The following DYM variants were observed in gnomAD, a reference collection of about 807,000 sequenced individuals.
DYM encodes the protein dyggve-Melchior-Clausen syndrome protein.
Under a neutral mutation model 93.1 loss-of-function variants are expected in DYM, and 78 were observed. That is an observed-to-expected ratio of 0.84 (90% CI 0.70 to 1.01). DYM has a LOEUF of 1.01. Among genes scored for constraint, DYM ranks in the 50% least tolerant of loss-of-function variants. The probability of loss-of-function intolerance (pLI) is 0.00; values close to 1 mark genes in which losing one functional copy is unlikely to be tolerated. For synonymous variants in DYM, 321 were observed against 319.7 expected (o/e 1.00, Z -0.04); for missense variants, 789 against 845.0 (o/e 0.93, Z 0.82).
At chr18:49,190,312 T>G (rs1467219596) in intron 14 of DYM, among the ~76,000 whole-genome samples, 2 of 152,248 alleles carry the variant, frequency 1.3e-5, no homozygotes, top group African/African-American at 4.8e-5. Flanking sequence ...TTTTAACATT[T>G]TACAGAAAAG....
chr18:49,366,152 A>C (rs1365590467), intron 5 of DYM, among the ~76,000 whole-genome samples: 1 of 152,208 alleles, frequency 6.6e-6, no homozygotes, highest in Non-Finnish European at 1.5e-5. Context: ...TTGTATTTTA[A>C]GTGAAGATTG....
chr18:49,317,581 CT>C (rs1218001225), intron 8 of DYM, among the ~76,000 whole-genome samples: 4 of 11,820 alleles, frequency 3.4e-4, no homozygotes, highest in African/African-American at 2.6e-3. Flanking sequence ...CTCTCTCTCT[CT>C]CTCTCTCTCT....
At chr18:49,259,215 G>C (rs2094451785) in intron 11 of DYM, among the ~76,000 whole-genome samples, 1 of 152,166 alleles carries the variant, frequency 6.6e-6, no homozygotes, top group Non-Finnish European at 1.5e-5. Context: ...CACAAATGCA[G>C]AGGGGGGAAC....
intron 13 of DYM, 128 bp downstream of exon 13, chr18:49,256,882 G>A (rs1007370829): frequency 1.3e-6 from 1 of 755,132 alleles, no homozygotes; most frequent in Admixed American, 2.2e-5. Flanking sequence ...CAAACAAGAA[G>A]GTGATAAAAA....
intron 6 of DYM, among the ~76,000 whole-genome samples, chr18:49,349,138 G>C (rs776013419): frequency 1.3e-5 from 2 of 152,156 alleles, no homozygotes; most frequent in African/African-American, 4.8e-5. Context: ...AACCTGGGAG[G>C]CGGAGGTTGC....
intron 16 of DYM, among the ~76,000 whole-genome samples, chr18:49,115,509 T>C (rs2081850357): frequency 6.6e-6 from 1 of 151,918 alleles, no homozygotes; most frequent in Non-Finnish European, 1.5e-5. Context: ...TAGGAAGGAA[T>C]GAAAAAAGAA....
At position 49,142,652 on chromosome 18, in the gene DYM, T is replaced by C. The variant is rs573756897; in HGVS notation, c.1728+21033A>G. Among the ~76,000 whole-genome samples, 8 of 152,300 alleles carry C rather than the reference T, an allele frequency of 5.3e-5. No homozygotes were observed. The East Asian group carries it at 1.5e-3, about 29-fold the overall frequency. The stretch of plus-strand genomic sequence containing the variant: ...ACTTCATCTCTGTTGGACTTGAATC[T>C]CCAGTAGAGAAAGGGAAAGGCAGAG... On this transcript the variant is annotated intron_variant, in intron 15 of 17. Coordinates refer to ENST00000675505, the MANE Select transcript of DYM (RefSeq NM_001353214.3).
chr18:49,097,475 G>A lies in DYM; in HGVS notation c.1952C>T (p.Ala651Val), dbSNP rs371247672. 76 of 1,613,926 alleles carry A rather than the reference G, an allele frequency of 4.7e-5. No homozygotes were observed. Among genetic ancestry groups the A allele is most frequent in the Admixed American group, 1.0e-4 (6 of 59,986 alleles). ...CAGGACCCGTTCCACTGACAGCTCA[G>A]CTCCAGCTTGCAGCAACCTTGAGCT... ...FFSSRLLQAG[A>V]ELSVERVLEI... The change falls in exon 17 of 18, where the codon GCT becomes GTT. Residue 651 changes from alanine to valine, a missense_variant. Coordinates refer to ENST00000675505, the MANE Select transcript of DYM (RefSeq NM_001353214.3).
At chr18:49,409,481 TCCA>T (rs771649234) in intron 2 of DYM, among the ~76,000 whole-genome samples, 2 of 152,074 alleles carry the variant, frequency 1.3e-5, no homozygotes, top group Admixed American at 6.5e-5. Context: ...AGATCTGCTC[TCCA>T]CCACAACTCA....
At chr18:49,253,955 C>A (rs1386659872) in intron 13 of DYM, among the ~76,000 whole-genome samples, 3 of 152,130 alleles carry the variant, frequency 2.0e-5, no homozygotes, top group Admixed American at 2.0e-4. Context: ...TCAGGCCTCT[C>A]ACCTGTGATC....
chr18:49,129,158 C>T (rs12456729), intron 15 of DYM, among the ~76,000 whole-genome samples: 16,392 of 151,670 alleles, frequency 0.11, 1,174 homozygotes, highest in East Asian at 0.25. Context: ...GCTCCAAGTC[C>T]ATGGAGAGAA....
At chr18:49,223,846 G>A (rs1238678765) in intron 13 of DYM, among the ~76,000 whole-genome samples, 1 of 152,120 alleles carries the variant, frequency 6.6e-6, no homozygotes, top group Non-Finnish European at 1.5e-5. Flanking sequence ...AAAAGTAAAG[G>A]ACAATGTGTA....
chr18:49,347,807 C>T (rs562961369), intron 6 of DYM, among the ~76,000 whole-genome samples: 1 of 152,204 alleles, frequency 6.6e-6, no homozygotes, highest in African/African-American at 2.4e-5. Flanking sequence ...TTCTACCATG[C>T]TGAGTGTGGT....
intron 6 of DYM, among the ~76,000 whole-genome samples, chr18:49,335,821 T>TTTC (rs1568273082): frequency 6.6e-6 from 1 of 151,858 alleles, no homozygotes; most frequent in Non-Finnish European, 1.5e-5. Context: ...TCTTTTTTTT[T>TTTC]TTTCTTTTTG....
intron 8 of DYM, among the ~76,000 whole-genome samples, chr18:49,307,916 G>A (rs2061364225): frequency 6.6e-6 from 1 of 152,186 alleles, no homozygotes; most frequent in Non-Finnish European, 1.5e-5. Context: ...GACCAAGTCA[G>A]GAACTGAAAT....
chr18:49,258,837 CACAGAGAGAG>C (rs1158404125), intron 11 of DYM, among the ~76,000 whole-genome samples: 5,788 of 137,948 alleles, frequency 0.042, 267 homozygotes, highest in East Asian at 0.16. Flanking sequence ...CACACACACA[CACAGAGAGAG>C]AGAGAGAGAG....
At chr18:49,332,793 A>G (rs2063401731) in intron 7 of DYM, among the ~76,000 whole-genome samples, 1 of 152,150 alleles carries the variant, frequency 6.6e-6, no homozygotes, top group Non-Finnish European at 1.5e-5. Flanking sequence ...CTCTATGTCT[A>G]TTTTTAAAAA....
chr18:49,278,346 G>A (rs569553955), intron 10 of DYM, among the ~76,000 whole-genome samples: 1 of 152,316 alleles, frequency 6.6e-6, no homozygotes, highest in African/African-American at 2.4e-5. Context: ...CCCAAAAGCA[G>A]AAGACTGCTG....
chr18:49,269,276 G>A (rs777905849), intron 11 of DYM, among the ~76,000 whole-genome samples: 36 of 152,086 alleles, frequency 2.4e-4, no homozygotes, highest in Admixed American at 1.3e-4. Context: ...CATCACACCA[G>A]TGTGGATAGT....
Sources: allele counts gnomAD v4.1 joint callset (sites outside exome capture counted in the v4.1 genomes callset), GRCh38; gene constraint gnomAD v4.1.1; transcripts MANE v1.5; gene names NCBI Gene and HGNC (gene_info 2026-07-23, HGNC 2026-07-21).